The following ADAM12 variants were observed in gnomAD, a reference collection of about 807,000 sequenced individuals.
ADAM12 encodes the protein disintegrin and metalloproteinase domain-containing protein 12.
Under a neutral mutation model 106.4 loss-of-function variants are expected in ADAM12, and 70 were observed. The observed-to-expected ratio is 0.66, with a 90% CI of 0.54 to 0.80. The LOEUF (loss-of-function observed/expected upper bound fraction) is 0.80. Ranked by LOEUF, ADAM12 falls within the 30% of genes least tolerant of loss-of-function variation. ADAM12 has a pLI of 0.00. For missense variants in ADAM12, 1,010 were observed against 1,171.9 expected, an observed-to-expected ratio of 0.86 and a Z score of 2.02; for synonymous variants, 420 against 433.5, an observed-to-expected ratio of 0.97 and a Z score of 0.39.
intron 3 of ADAM12, among the ~76,000 whole-genome samples, chr10:126,269,471 G>A (rs150367065): frequency 4.3e-4 from 66 of 152,186 alleles, no homozygotes; most frequent in Non-Finnish European, 5.3e-4. Context: ...TCTTTCTTTT[G>A]AGGACACAAC....
intron 3 of ADAM12, among the ~76,000 whole-genome samples, chr10:126,159,836 C>G (rs374614913): frequency 1.6e-4 from 24 of 152,170 alleles, no homozygotes; most frequent in East Asian, 1.3e-3. Context: ...TGCTCCTCAT[C>G]ATCATCCAAG....
intron 3 of ADAM12, among the ~76,000 whole-genome samples, chr10:126,168,883 T>C (rs1275839701): frequency 6.6e-6 from 1 of 151,972 alleles, no homozygotes; most frequent in Non-Finnish European, 1.5e-5. Context: ...TGAAACTCCA[T>C]CTCTACTAAC....
At chr10:126,035,755 AAT>A (rs985424099) in intron 21 of ADAM12, among the ~76,000 whole-genome samples, 8 of 152,190 alleles carry the variant, frequency 5.3e-5, no homozygotes, top group Non-Finnish European at 1.0e-4. Flanking sequence ...ATAATTTTGA[AAT>A]AAAATGATGA....
intron 2 of ADAM12, among the ~76,000 whole-genome samples, chr10:126,279,872 A>G (rs895959316): frequency 1.3e-5 from 2 of 152,220 alleles, no homozygotes; most frequent in African/African-American, 4.8e-5. Flanking sequence ...TCTTGCTGAG[A>G]CATGATCACC....
intron 1 of ADAM12, among the ~76,000 whole-genome samples, chr10:126,335,534 G>A (rs1854669598): frequency 6.6e-6 from 1 of 152,130 alleles, no homozygotes; most frequent in Non-Finnish European, 1.5e-5. Context: ...CCTTGTCTCA[G>A]GGCAATATGG....
intron 12 of ADAM12, among the ~76,000 whole-genome samples, chr10:126,069,407 A>G (rs1238685655): frequency 6.6e-6 from 1 of 152,228 alleles, no homozygotes; most frequent in Admixed American, 6.5e-5. Flanking sequence ...CTACAAAATA[A>G]GGACCTTAAC....
At chr10:126,234,122 A>G (rs1958368346) in intron 3 of ADAM12, among the ~76,000 whole-genome samples, 1 of 152,090 alleles carries the variant, frequency 6.6e-6, no homozygotes. Flanking sequence ...CAGGCACACC[A>G]CTCCTATACA....
chr10:126,079,261 A>G (rs952114278), intron 11 of ADAM12, among the ~76,000 whole-genome samples: 11 of 152,124 alleles, frequency 7.2e-5, no homozygotes, highest in African/African-American at 2.7e-4. Flanking sequence ...TGTAGCCATC[A>G]CTACTAACTG....
chr10:126,131,979 G>GT (rs200265672), intron 5 of ADAM12, among the ~76,000 whole-genome samples: 3,543 of 141,920 alleles, frequency 0.025, 130 homozygotes, highest in East Asian at 0.092. Flanking sequence ...TTGAATTCGT[G>GT]TTTTTTTTTT....
chr10:126,261,207 T>C (rs1447314363), intron 3 of ADAM12, among the ~76,000 whole-genome samples: 8 of 152,222 alleles, frequency 5.3e-5, no homozygotes, highest in Non-Finnish European at 1.2e-4. Flanking sequence ...CTCCTTCAGA[T>C]ACCAAGGCAC....
In ADAM12 at chr10:126,382,977, T is replaced by C. The variant is rs115987794; in HGVS notation, c.88+5081A>G. ...TTATTTATTTTGATACAGGGTCTCA[T>C]TCTGTCACCGAGGCTGGAGTAGCAC... On this transcript the variant is annotated intron_variant, in intron 1 of 22. Coordinates refer to ENST00000448723, the MANE Select transcript of ADAM12 (RefSeq NM_001288973.2). Among the ~76,000 whole-genome samples, 1,059 of 152,266 alleles carry C rather than the reference T, an allele frequency of 7.0e-3. 11 individuals are homozygous for C. Among genetic ancestry groups the C allele is most frequent in the African/African-American group, 0.024 (992 of 41,554 alleles).
intron 1 of ADAM12, among the ~76,000 whole-genome samples, 158 bp downstream of exon 1, chr10:126,387,900 G>A (rs917837758): frequency 2.0e-5 from 3 of 149,822 alleles, no homozygotes; most frequent in Non-Finnish European, 3.0e-5. Flanking sequence ...GGGGGGGGGG[G>A]GTCGGTCTCG....
chr10:126,351,582 G>A (rs1041280135), intron 1 of ADAM12, among the ~76,000 whole-genome samples: 1 of 152,162 alleles, frequency 6.6e-6, no homozygotes, highest in African/African-American at 2.4e-5. Flanking sequence ...GGATCCCCCA[G>A]CACTGCACCT....
In ADAM12 at chr10:126,225,325, A is replaced by G. The variant is rs188036290; in HGVS notation, c.260+53590T>C. 2.6e-3 allele frequency among the ~76,000 whole-genome samples: 391 copies of G among 152,278 alleles called. 3 individuals carry two copies. Among genetic ancestry groups the G allele is most frequent in the African/African-American group, 9.2e-3 (384 of 41,560 alleles). ...AAGGAGTTATTAAAAAATATGTCAC[A>G]CACTTGGGGAGTCAGAGTTTGAAAG... On this transcript the variant is annotated intron_variant, in intron 3 of 22. Coordinates refer to ENST00000448723, the MANE Select transcript of ADAM12 (RefSeq NM_001288973.2).
At chr10:126,290,693 C>T (rs12241583) in intron 2 of ADAM12, among the ~76,000 whole-genome samples, 515 of 152,252 alleles carry the variant, frequency 3.4e-3, no homozygotes, top group Non-Finnish European at 5.6e-3. Flanking sequence ...TAATAAATGA[C>T]GCTTCAAAAA....
At chr10:126,084,382 C>T (rs1955294666) in intron 11 of ADAM12, among the ~76,000 whole-genome samples, 1 of 152,164 alleles carries the variant, frequency 6.6e-6, no homozygotes, top group Admixed American at 6.5e-5. Flanking sequence ...ATCAGACGAG[C>T]TACTCAGCTT....
intron 3 of ADAM12, among the ~76,000 whole-genome samples, chr10:126,268,621 C>G (rs926259966): frequency 1.3e-5 from 2 of 152,114 alleles, no homozygotes; most frequent in Non-Finnish European, 2.9e-5. Context: ...AAGTAAGAAA[C>G]CAGTAAGAAG....
intron 3 of ADAM12, among the ~76,000 whole-genome samples, chr10:126,175,029 T>A (rs970688748): frequency 2.6e-5 from 4 of 152,184 alleles, no homozygotes; most frequent in African/African-American, 9.7e-5. Context: ...GTGCTGGGAT[T>A]ACAGGCATGA....
intron 1 of ADAM12, among the ~76,000 whole-genome samples, chr10:126,353,886 G>A (rs1855451526): frequency 6.6e-6 from 1 of 152,030 alleles, no homozygotes; most frequent in African/African-American, 2.4e-5. Context: ...TATTTTCCAG[G>A]GATAATACCC....
Sources: gnomAD v4.1 joint callset for allele counts (sites outside exome capture counted in the v4.1 genomes callset) on GRCh38, gnomAD v4.1.1 for gene constraint, MANE v1.5 for transcripts, NCBI Gene and HGNC (gene_info 2026-07-23, HGNC 2026-07-21) for gene names.